Variants in CCDC93 observed in about 807,000 individuals in gnomAD.
CCDC93 encodes coiled-coil domain-containing protein 93.
Under a neutral mutation model 108.2 loss-of-function variants are expected in CCDC93, and 61 were observed. The observed-to-expected ratio is 0.56, with a 90% CI of 0.46 to 0.70. The LOEUF (loss-of-function observed/expected upper bound fraction) is 0.70, where lower values mean the gene tolerates loss of function less well. Ranked by LOEUF, CCDC93 falls within the 30% of genes least tolerant of loss-of-function variation. The pLI is 0.00. For missense variants in CCDC93, 685 were observed against 764.2 expected, an observed-to-expected ratio of 0.90 and a Z score of 1.22; for synonymous variants, 276 against 260.4, an observed-to-expected ratio of 1.06 and a Z score of -0.58.
chr2:118,012,919 G>T (rs1677057788), intron 1 of CCDC93: 1 of 152,200 alleles, frequency 6.6e-6, no homozygotes, highest in African/African-American at 2.4e-5. Context: ...GAATGCAGAG[G>T]AGTAACATTG....
chr2:117,935,436 G>T, intron 22 of CCDC93, 59 bp downstream of exon 22: 1 of 1,310,754 alleles, frequency 7.6e-7, no homozygotes, highest in Non-Finnish European at 1.1e-6. Flanking sequence ...TTCTTCCCAG[G>T]ACCTTCCCTG....
At chr2:117,958,323 C>T (rs1469050219) in intron 12 of CCDC93, 42 bp downstream of exon 12, 2 of 1,277,506 alleles carry the variant, frequency 1.6e-6, no homozygotes, top group Non-Finnish European at 2.3e-6. Flanking sequence ...AACCAATCTA[C>T]CATGAAGATC....
At chr2:117,988,863 T>C (rs1430509476) in intron 6 of CCDC93, among the ~76,000 whole-genome samples, 2 of 152,230 alleles carry the variant, frequency 1.3e-5, no homozygotes, top group Non-Finnish European at 2.9e-5. Context: ...TTCTTTTACA[T>C]GAGCTCTGCT....
Position 117,970,677 on chromosome 2 carries a change from A to T in CCDC93, c.888+3231T>A, listed in dbSNP as rs1008694939. 2.6e-5 allele frequency among the ~76,000 whole-genome samples: 4 copies of T among 152,242 alleles called. 1 individual carries two copies. Among genetic ancestry groups the T allele is most frequent in the Admixed American group, 2.0e-4 (3 of 15,292 alleles). ...AACACAGTAAACAGTCCTGTATTCA[A>T]ACCTGGAACTTATTAGTTACATGGT... On this transcript the variant is annotated intron_variant, in intron 11 of 23. Coordinates refer to ENST00000376300, the MANE Select transcript of CCDC93 (RefSeq NM_019044.5).
intron 13 of CCDC93, chr2:117,951,719 C>G: frequency 1.0e-6 from 1 of 997,436 alleles, no homozygotes; most frequent in Non-Finnish European, 1.2e-6. Flanking sequence ...AACCAAGGAA[C>G]AGAAATATCT....
intron 14 of CCDC93, 47 bp downstream of exon 14, chr2:117,949,275 A>T (rs1678973563): frequency 3.1e-5 from 40 of 1,286,778 alleles, no homozygotes; most frequent in Non-Finnish European, 4.4e-5. Flanking sequence ...GTATCAGCAA[A>T]GTCACTTTCA....
intron 23 of CCDC93, among the ~76,000 whole-genome samples, chr2:117,924,933 A>G (rs1573457195): frequency 6.6e-6 from 1 of 152,362 alleles, no homozygotes; most frequent in East Asian, 1.9e-4. Context: ...ATCTCCTGGC[A>G]GAAACTCTAC....
intron 20 of CCDC93, 143 bp downstream of exon 20, chr2:117,938,886 G>C (rs1678607544): frequency 7.5e-6 from 4 of 534,642 alleles, no homozygotes; most frequent in South Asian, 4.8e-5. Context: ...TTCTGACTGG[G>C]TATGCCAGCA....
intron 23 of CCDC93, among the ~76,000 whole-genome samples, chr2:117,927,513 C>T (rs1462726363): frequency 4.6e-5 from 7 of 152,082 alleles, no homozygotes; most frequent in African/African-American, 1.4e-4. Context: ...CCACTCACAA[C>T]TGCTTCAAAG....
chr2:117,939,526 T>C (rs534215093), intron 19 of CCDC93, among the ~76,000 whole-genome samples: 76 of 152,366 alleles, frequency 5.0e-4, no homozygotes, highest in Middle Eastern at 6.8e-3. Flanking sequence ...AAATTTGTTC[T>C]GTGAAATAAA....
At chr2:117,923,189 C>A (rs536455665) in intron 23 of CCDC93, among the ~76,000 whole-genome samples, 1 of 152,224 alleles carries the variant, frequency 6.6e-6, no homozygotes, top group Non-Finnish European at 1.5e-5. Flanking sequence ...CCAGTGTAAG[C>A]GAGGCAGAAG....
At chr2:117,972,528 G>A (rs1679798231) in intron 11 of CCDC93, among the ~76,000 whole-genome samples, 1 of 152,154 alleles carries the variant, frequency 6.6e-6, no homozygotes, top group Non-Finnish European at 1.5e-5. Context: ...GGCTCTGCCT[G>A]CCTGCTTTTT....
intron 11 of CCDC93, among the ~76,000 whole-genome samples, chr2:117,967,088 G>T (rs1679609235): frequency 6.6e-6 from 1 of 152,168 alleles, no homozygotes; most frequent in Non-Finnish European, 1.5e-5. Context: ...CGCCTCCCAG[G>T]TTCAAGCTAC....
intron 11 of CCDC93, among the ~76,000 whole-genome samples, chr2:117,965,749 C>T (rs1337646719): frequency 2.6e-5 from 4 of 152,070 alleles, no homozygotes; most frequent in Admixed American, 6.6e-5. Context: ...TCACGCGTAA[C>T]GCAATCCCTG....
intron 23 of CCDC93, among the ~76,000 whole-genome samples, chr2:117,921,316 G>A (rs973203450): frequency 1.3e-5 from 2 of 152,052 alleles, no homozygotes; most frequent in Non-Finnish European, 2.9e-5. Flanking sequence ...AGTGGCACAA[G>A]TCACCTCTGC....
At chr2:117,957,816 T>C (rs1679265971) in intron 12 of CCDC93, among the ~76,000 whole-genome samples, 1 of 152,218 alleles carries the variant, frequency 6.6e-6, no homozygotes, top group Non-Finnish European at 1.5e-5. Flanking sequence ...CTCAGAACTC[T>C]GTGACCTGAG....
In CCDC93 at chr2:117,920,424, G is replaced by C. The variant is rs945594980; in HGVS notation, c.1843-28C>G. 3.2e-6 allele frequency: 5 copies of C among 1,564,542 alleles called. No individual in the cohort carries two copies. In the African/African-American group the frequency reaches 5.4e-5, roughly 17 times the overall value. On this transcript the variant is annotated intron_variant, in intron 23 of 23. Coordinates refer to ENST00000376300, the MANE Select transcript of CCDC93 (RefSeq NM_019044.5). ...GGAGGGAAAGCAGAGAGTATAGAGAGAGTGGTGACTACATTAGCACCCATG... is the reference window on the plus strand; with the variant it reads ...GGAGGGAAAGCAGAGAGTATAGAGACAGTGGTGACTACATTAGCACCCATG...
chr2:117,979,408 C>A (rs1026743273), intron 7 of CCDC93, among the ~76,000 whole-genome samples: 3 of 152,202 alleles, frequency 2.0e-5, no homozygotes, highest in Non-Finnish European at 2.9e-5. Context: ...AAGCATCCCC[C>A]ATGCACATGT....
At chr2:118,006,589 G>A (rs565133179) in intron 3 of CCDC93, 133 bp downstream of exon 3, 1 of 664,820 alleles carries the variant, frequency 1.5e-6, no homozygotes, top group Admixed American at 2.8e-5. Flanking sequence ...CATTTGTAAG[G>A]CAGGGATAAT....
Sources: gnomAD v4.1 joint callset for allele counts (sites outside exome capture counted in the v4.1 genomes callset) on GRCh38, gnomAD v4.1.1 for gene constraint, MANE v1.5 for transcripts, NCBI Gene and HGNC (gene_info 2026-07-23, HGNC 2026-07-21) for gene names.